PALM2AKAP2: variants seen among roughly 807,000 people sequenced by gnomAD.
The protein encoded by PALM2AKAP2 is PALM2 and AKAP2 fusion.
A neutral mutation model predicts 71.5 loss-of-function variants in PALM2AKAP2; 37 were observed. That is an observed-to-expected ratio of 0.52 (90% CI 0.40 to 0.68). The LOEUF (loss-of-function observed/expected upper bound fraction) is 0.68, where lower values mean the gene tolerates loss of function less well. Ranked by LOEUF, PALM2AKAP2 falls within the 30% of genes least tolerant of loss-of-function variation. The probability of loss-of-function intolerance (pLI) is 0.00; values close to 1 mark genes in which losing one functional copy is unlikely to be tolerated. For missense variants in PALM2AKAP2, 1,224 were observed against 1,191.8 expected, an observed-to-expected ratio of 1.03 and a Z score of -0.40; for synonymous variants, 468 against 478.8, an observed-to-expected ratio of 0.98 and a Z score of 0.29.
intron 1 of PALM2AKAP2, among the ~76,000 whole-genome samples, chr9:109,859,860 G>A (rs1829264472): frequency 6.6e-6 from 1 of 152,242 alleles, no homozygotes; most frequent in African/African-American, 2.4e-5. Context: ...ATGGCTCTGA[G>A]TTCTGTTTCT....
chr9:110,083,145 A>T (rs938760929), intron 1 of PALM2AKAP2, among the ~76,000 whole-genome samples: 1 of 152,206 alleles, frequency 6.6e-6, no homozygotes, highest in East Asian at 1.9e-4. Flanking sequence ...TGGTCTCAAA[A>T]AAAGCAAAAA....
chr9:110,003,545 T>C (rs1480507239), intron 6 of PALM2AKAP2, among the ~76,000 whole-genome samples: 1 of 152,182 alleles, frequency 6.6e-6, no homozygotes, highest in African/African-American at 2.4e-5. Flanking sequence ...GTCTATTAGG[T>C]CCACTTGGTG....
At chr9:110,019,095 C>A (rs900478050) in intron 7 of PALM2AKAP2, among the ~76,000 whole-genome samples, 1 of 151,740 alleles carries the variant, frequency 6.6e-6, no homozygotes, top group African/African-American at 2.4e-5. Context: ...AAAAATTAGC[C>A]GGGTGTGATG....
intron 1 of PALM2AKAP2, among the ~76,000 whole-genome samples, chr9:109,654,246 A>G (rs1446044452): frequency 6.6e-6 from 1 of 152,204 alleles, no homozygotes; most frequent in African/African-American, 2.4e-5. Flanking sequence ...TGTTAGGCCC[A>G]AGAAGCTCGT....
chr9:109,789,596 A>T (rs1459959060), intron 1 of PALM2AKAP2, among the ~76,000 whole-genome samples: 1 of 152,126 alleles, frequency 6.6e-6, no homozygotes, highest in Non-Finnish European at 1.5e-5. Flanking sequence ...TGTATATCTT[A>T]AAACACAAAG....
intron 1 of PALM2AKAP2, among the ~76,000 whole-genome samples, chr9:109,675,916 G>A (rs760127013): frequency 4.6e-5 from 7 of 152,104 alleles, no homozygotes; most frequent in African/African-American, 7.2e-5. Context: ...AATGATGATG[G>A]AAAACTGCCA....
At chr9:110,129,673 T>C (rs1445346235) in intron 1 of PALM2AKAP2, among the ~76,000 whole-genome samples, 6 of 152,244 alleles carry the variant, frequency 3.9e-5, no homozygotes, top group African/African-American at 1.2e-4. Flanking sequence ...ACTTACAGCA[T>C]GCCCACAGGA....
At chr9:109,887,967 G>A (rs931129389) in intron 3 of PALM2AKAP2, among the ~76,000 whole-genome samples, 6 of 152,126 alleles carry the variant, frequency 3.9e-5, no homozygotes, top group African/African-American at 1.2e-4. Flanking sequence ...TGCATCAGAC[G>A]CACCATGACT....
intron 1 of PALM2AKAP2, among the ~76,000 whole-genome samples, chr9:109,801,446 A>G (rs1404929153): frequency 6.6e-6 from 1 of 152,260 alleles, no homozygotes; most frequent in Non-Finnish European, 1.5e-5. Context: ...GACAGTCACA[A>G]TGTATGGAAG....
intron 6 of PALM2AKAP2, among the ~76,000 whole-genome samples, chr9:109,978,731 C>T (rs542057254): frequency 3.1e-4 from 47 of 152,324 alleles, no homozygotes; most frequent in Non-Finnish European, 5.3e-4. Context: ...CTCTTTATGT[C>T]ATTGCCTTTG....
intron 7 of PALM2AKAP2, among the ~76,000 whole-genome samples, chr9:110,034,320 G>A (rs1157614684): frequency 2.0e-5 from 3 of 152,036 alleles, no homozygotes; most frequent in East Asian, 3.9e-4. Context: ...CACCACGCCC[G>A]GCTAATTTTG....
At chr9:109,899,971 C>G (rs2418063) in intron 3 of PALM2AKAP2, among the ~76,000 whole-genome samples, 127,487 of 152,226 alleles carry the variant, frequency 0.84, 53,741 homozygotes, top group African/African-American at 0.93. Flanking sequence ...TAGGGGTAAA[C>G]ACACTACAGT....
intron 1 of PALM2AKAP2, among the ~76,000 whole-genome samples, chr9:110,083,131 A>C (rs1042111696): frequency 2.6e-5 from 4 of 152,132 alleles, no homozygotes; most frequent in Non-Finnish European, 5.9e-5. Flanking sequence ...ACAAGAGTGA[A>C]ACTTGGTCTC....
At chr9:109,847,769 G>A (rs1828904607) in intron 1 of PALM2AKAP2, 1 of 151,764 alleles carries the variant, frequency 6.6e-6, no homozygotes, top group African/African-American at 2.4e-5. Context: ...ATTGTTTTAA[G>A]CCAACCAGTT....
In PALM2AKAP2 at chr9:109,764,651, T is replaced by C. The variant is rs141930716; in HGVS notation, c.6-15837T>C. On this transcript the variant is annotated intron_variant, in intron 1 of 6. Transcript: ENST00000374531. ...TTGCCCCTTGAGAGTTGCACCTTAT[T>C]CAACTCTGCCTCACCGATGCCAGTG... Among the ~76,000 whole-genome samples the C allele has an allele frequency of 2.7e-3, 411 of 152,288 alleles. 2 individuals carry two copies. Among genetic ancestry groups the C allele is most frequent in the African/African-American group, 9.6e-3 (397 of 41,566 alleles).
chr9:109,736,175 TTA>T (rs1397326448), intron 1 of PALM2AKAP2, among the ~76,000 whole-genome samples: 1 of 152,198 alleles, frequency 6.6e-6, no homozygotes, highest in Non-Finnish European at 1.5e-5. Flanking sequence ...GTTTGTATAT[TTA>T]TATGTGGAAA....
At chr9:109,978,520 G>A (rs1174576003) in intron 6 of PALM2AKAP2, among the ~76,000 whole-genome samples, 1 of 152,188 alleles carries the variant, frequency 6.6e-6, no homozygotes, top group Admixed American at 6.5e-5. Context: ...TCCCTGAAAA[G>A]GAGCATCTGC....
At position 109,720,493 on chromosome 9, in the gene PALM2AKAP2, T is replaced by G. The variant is rs569773751; in HGVS notation, c.6-59995T>G. 2.0e-5 allele frequency among the ~76,000 whole-genome samples: 3 copies of G among 152,316 alleles called. No individual in the cohort carries two copies. In the East Asian group the frequency reaches 5.8e-4, roughly 29 times the overall value. ...GGGAATTGTGGGCTGCAGAGAGTTT[T>G]GGAAGTCATTAGCCTATATAGATGA... On this transcript the variant is annotated intron_variant, in intron 1 of 6. Coordinates refer to the PALM2AKAP2 transcript ENST00000374531.
intron 1 of PALM2AKAP2, among the ~76,000 whole-genome samples, chr9:109,857,314 C>T (rs1448455290): frequency 6.6e-6 from 1 of 152,172 alleles, no homozygotes. Context: ...AAATATTTTG[C>T]ATTTGCTCTT....
Sources: gnomAD v4.1 joint callset for allele counts (sites outside exome capture counted in the v4.1 genomes callset) on GRCh38, gnomAD v4.1.1 for gene constraint, MANE v1.5 for transcripts, NCBI Gene and HGNC (gene_info 2026-07-23, HGNC 2026-07-21) for gene names.